Variants in DPY19L1 observed in about 807,000 individuals in gnomAD.
DPY19L1 encodes the protein protein C-mannosyl-transferase DPY19L1.
A neutral mutation model predicts 96.9 loss-of-function variants in DPY19L1; 35 were observed. The observed-to-expected ratio is 0.36, with a 90% CI of 0.28 to 0.48. The LOEUF is 0.48. Ranked by LOEUF, DPY19L1 falls within the 20% of genes least tolerant of loss-of-function variation. The pLI, the probability that DPY19L1 is intolerant of heterozygous loss-of-function variation, is 0.99. For missense variants in DPY19L1, 521 were observed against 777.9 expected, an observed-to-expected ratio of 0.67 and a Z score of 3.93; for synonymous variants, 205 against 252.6, an observed-to-expected ratio of 0.81 and a Z score of 1.79.
At chr7:34,941,000 CA>C (rs2128781590) in intron 18 of DPY19L1, among the ~76,000 whole-genome samples, 1 of 152,108 alleles carries the variant, frequency 6.6e-6, no homozygotes, top group East Asian at 1.9e-4. Context: ...TTTCCACATC[CA>C]AATAGTCCAC....
chr7:35,005,044 A>C (rs1472172426), intron 6 of DPY19L1, among the ~76,000 whole-genome samples: 1 of 152,230 alleles, frequency 6.6e-6, no homozygotes, highest in Non-Finnish European at 1.5e-5. Flanking sequence ...GCAACCTCAG[A>C]TAGGATACTG....
intron 13 of DPY19L1, among the ~76,000 whole-genome samples, chr7:34,951,009 A>T (rs1441008250): frequency 1.3e-5 from 2 of 152,132 alleles, no homozygotes; most frequent in East Asian, 3.8e-4. Flanking sequence ...AAAACAAAGA[A>T]ATCTGTTAGC....
At chr7:35,004,830 A>G (rs1399174998) in intron 6 of DPY19L1, among the ~76,000 whole-genome samples, 3 of 152,188 alleles carry the variant, frequency 2.0e-5, no homozygotes, top group Non-Finnish European at 4.4e-5. Context: ...ACAATAAACA[A>G]AAGTCCAAGT....
At chr7:34,934,482 T>C (rs944880461) in intron 21 of DPY19L1, among the ~76,000 whole-genome samples, 4 of 152,248 alleles carry the variant, frequency 2.6e-5, no homozygotes, top group Non-Finnish European at 5.9e-5. Context: ...CTTTAATTGT[T>C]TCCCATTTTG....
In DPY19L1 at chr7:35,037,214, C is replaced by T. The variant is rs1382541178; in HGVS notation, c.181G>A (p.Glu61Lys). ...GAAGRKGPRA[E>K]PGAPPAGGGL... is the part of the protein sequence containing the mutation. ...CCCCCGGCGGGCGGCGCGCCGGGCT[C>T]GGCGCGGGGCCCCTTCCTGCCCGCG... Residue 61 changes from glutamate (E) to lysine (K), a missense_variant, in exon 1 of 22, where the codon GAG (glutamate) becomes AAG (lysine). By Grantham distance (56) the Glu-to-Lys change is moderately conservative. Transcript: ENST00000638088. 1.3e-5 allele frequency: 2 copies of T among 152,976 alleles called. No homozygotes were observed. The highest frequency in any genetic ancestry group is 2.5e-5 in the African/African-American group (1 of 40,584). The allele number at this position is 152,976 out of a possible 1,614,324, so 9.5% of individuals were successfully genotyped here. A position where few individuals can be genotyped will look rare whatever the true frequency, so the allele number is the denominator to read the frequency against.
intron 10 of DPY19L1, among the ~76,000 whole-genome samples, chr7:34,966,001 T>C (rs190353438): frequency 1.6e-4 from 24 of 152,152 alleles, no homozygotes; most frequent in Admixed American, 5.2e-4. Flanking sequence ...TGATCTGCCT[T>C]ACCCTTACCT....
At chr7:34,952,021 C>G (rs1377370903) in intron 13 of DPY19L1, among the ~76,000 whole-genome samples, 7 of 144,568 alleles carry the variant, frequency 4.8e-5, no homozygotes, top group Admixed American at 3.6e-4. Context: ...ATTTTCCCTC[C>G]CAAAAAGCCC....
At chr7:35,026,146 ATGAC>A (rs1786114415) in intron 1 of DPY19L1, among the ~76,000 whole-genome samples, 1 of 152,150 alleles carries the variant, frequency 6.6e-6, no homozygotes, top group African/African-American at 2.4e-5. Flanking sequence ...GGTACAGAGA[ATGAC>A]TGGGGCACAA....
At chr7:35,032,185 T>C (rs1366609710) in intron 1 of DPY19L1, among the ~76,000 whole-genome samples, 2 of 152,144 alleles carry the variant, frequency 1.3e-5, no homozygotes, top group East Asian at 1.9e-4. Flanking sequence ...TTTCTCAGAA[T>C]TGGACTCTAG....
intron 21 of DPY19L1, among the ~76,000 whole-genome samples, chr7:34,937,261 C>G (rs1476083954): frequency 6.6e-6 from 1 of 152,196 alleles, no homozygotes; most frequent in African/African-American, 2.4e-5. Context: ...TTTTCCCATT[C>G]AAGTAAGATG....
intron 11 of DPY19L1, among the ~76,000 whole-genome samples, chr7:34,955,685 C>T (rs1784364352): frequency 6.6e-6 from 1 of 152,114 alleles, no homozygotes; most frequent in Admixed American, 6.5e-5. Context: ...GAATTTTGGA[C>T]AGTAGTCATA....
At chr7:35,037,018 A>ACGGGG in intron 1 of DPY19L1, 79 bp downstream of exon 1, 1 of 112,608 alleles carries the variant, frequency 8.9e-6, no homozygotes, top group African/African-American at 3.5e-5. Flanking sequence ...GAGGGGAAGG[A>ACGGGG]AGGGGAGGGG....
At chr7:35,007,588 G>GGTGTGTGT (rs71551083) in intron 6 of DPY19L1, among the ~76,000 whole-genome samples, 2 of 150,392 alleles carry the variant, frequency 1.3e-5, no homozygotes, top group African/African-American at 4.9e-5. Context: ...ACACACGTGT[G>GGTGTGTGT]GTGTGTGTGT....
At chr7:34,936,748 C>T (rs1783876293) in intron 21 of DPY19L1, among the ~76,000 whole-genome samples, 1 of 152,192 alleles carries the variant, frequency 6.6e-6, no homozygotes, top group African/African-American at 2.4e-5. Flanking sequence ...CCACGTAGCA[C>T]ACGTTCATAG....
intron 6 of DPY19L1, among the ~76,000 whole-genome samples, chr7:35,009,892 C>A (rs1785661292): frequency 6.6e-6 from 1 of 152,026 alleles, no homozygotes; most frequent in Non-Finnish European, 1.5e-5. Context: ...TATTCCATAA[C>A]AATATATGGA....
At chr7:35,007,010 A>T (rs1785576034) in intron 6 of DPY19L1, among the ~76,000 whole-genome samples, 1 of 152,122 alleles carries the variant, frequency 6.6e-6, no homozygotes, top group African/African-American at 2.4e-5. Flanking sequence ...TTTATTTTTA[A>T]CCCATATTTT....
intron 19 of DPY19L1, 45 bp from the exon 20 acceptor site, chr7:34,939,420 G>A (rs368559890): frequency 7.2e-6 from 11 of 1,531,140 alleles, no homozygotes; most frequent in South Asian, 2.3e-5. Flanking sequence ...CAGTGAAGGC[G>A]AGAAGGTGTC....
intron 8 of DPY19L1, among the ~76,000 whole-genome samples, chr7:34,969,749 G>C (rs1248509539): frequency 6.6e-6 from 1 of 152,134 alleles, no homozygotes; most frequent in Non-Finnish European, 1.5e-5. Flanking sequence ...ATAACACAGA[G>C]AGAAGGAGGG....
In DPY19L1 at chr7:34,962,425, G is replaced by A. The variant is rs77380979; in HGVS notation, c.1093-4355C>T. On this transcript the variant is annotated intron_variant, in intron 10 of 21. Coordinates refer to ENST00000638088, the MANE Select transcript of DPY19L1 (RefSeq NM_001366673.1). ...CTATGGAAACAGTAAAAAGATCAGC[G>A]GCTGCCATGGGTTAGGGGGAAGGAG... Among the ~76,000 whole-genome samples the A allele has an allele frequency of 6.5e-3, 993 of 152,266 alleles. 11 individuals are homozygous for A. The highest frequency in any genetic ancestry group is 0.023 in the African/African-American group (941 of 41,558).
Sources: allele counts gnomAD v4.1 joint callset (sites outside exome capture counted in the v4.1 genomes callset), GRCh38; gene constraint gnomAD v4.1.1; transcripts MANE v1.5; gene names NCBI Gene and HGNC (gene_info 2026-07-23, HGNC 2026-07-21).